CLSTN2: variants seen among roughly 807,000 people sequenced by gnomAD.
CLSTN2 encodes the protein calsyntenin-2.
CLSTN2 carries 48 observed loss-of-function variants against 101.2 expected under a neutral mutation model. The observed-to-expected ratio is 0.47, with a 90% CI of 0.38 to 0.60. The LOEUF is 0.60. Ranked by LOEUF, CLSTN2 falls within the 20% of genes least tolerant of loss-of-function variation. The pLI, the probability that CLSTN2 is intolerant of heterozygous loss-of-function variation, is 0.00. For synonymous variants in CLSTN2, 481 were observed against 463.6 expected (o/e 1.04, Z -0.48); for missense variants, 1,160 against 1,238.2 (o/e 0.94, Z 0.95).
chr3:140,564,268 C>T (rs1576379952), intron 16 of CLSTN2, 123 bp downstream of exon 16: 1 of 787,464 alleles, frequency 1.3e-6, no homozygotes, highest in Non-Finnish European at 2.1e-6. Flanking sequence ...CCATCTAGTC[C>T]AGCTCCACTG....
chr3:140,265,804 C>T (rs1401315475), intron 2 of CLSTN2, among the ~76,000 whole-genome samples: 1 of 152,160 alleles, frequency 6.6e-6, no homozygotes, highest in African/African-American at 2.4e-5. Flanking sequence ...CAAAGGGACA[C>T]TCAGGGCTGG....
chr3:140,443,485 A>G (rs546772208), intron 5 of CLSTN2, among the ~76,000 whole-genome samples: 57 of 152,192 alleles, frequency 3.7e-4, no homozygotes, highest in Non-Finnish European at 7.1e-4. Context: ...TAAAATCATC[A>G]TCTTTCTAAG....
intron 1 of CLSTN2, among the ~76,000 whole-genome samples, chr3:140,099,837 G>C (rs1372030417): frequency 2.0e-5 from 3 of 152,196 alleles, no homozygotes; most frequent in Admixed American, 1.3e-4. Flanking sequence ...TTGAATGCAG[G>C]AGTCAAAGAT....
intron 2 of CLSTN2, among the ~76,000 whole-genome samples, chr3:140,208,823 C>T (rs925725341): frequency 6.6e-6 from 1 of 152,108 alleles, no homozygotes; most frequent in African/African-American, 2.4e-5. Context: ...GTTCTCTGTA[C>T]TCAGGGGGTA....
At chr3:140,154,667 C>T (rs370364565) in intron 1 of CLSTN2, among the ~76,000 whole-genome samples, 20 of 94,044 alleles carry the variant, frequency 2.1e-4, no homozygotes, top group African/African-American at 6.0e-4. Flanking sequence ...TTTTTTGAGA[C>T]GGAGTCTTGC....
At chr3:140,329,232 C>T (rs947574362) in intron 2 of CLSTN2, among the ~76,000 whole-genome samples, 3 of 152,012 alleles carry the variant, frequency 2.0e-5, no homozygotes, top group African/African-American at 7.2e-5. Context: ...ACTGAAAATA[C>T]AAAAAAGTTA....
chr3:140,263,913 T>G (rs1269047463), intron 2 of CLSTN2, among the ~76,000 whole-genome samples: 1 of 152,200 alleles, frequency 6.6e-6, no homozygotes, highest in Admixed American at 6.5e-5. Context: ...AATATTTTCA[T>G]TCCCTATTGT....
At chr3:140,058,918 G>A (rs561334122) in intron 1 of CLSTN2, among the ~76,000 whole-genome samples, 2 of 152,206 alleles carry the variant, frequency 1.3e-5, no homozygotes, top group Non-Finnish European at 2.9e-5. Context: ...GGAGGGCCCT[G>A]ACCAGCAGGG....
intron 10 of CLSTN2, among the ~76,000 whole-genome samples, chr3:140,548,474 G>A (rs1354910806): frequency 6.6e-6 from 1 of 152,192 alleles, no homozygotes; most frequent in East Asian, 1.9e-4. Context: ...CAGAGATCCA[G>A]AACCTTGGAG....
At chr3:140,005,458 C>T (rs924959178) in intron 1 of CLSTN2, among the ~76,000 whole-genome samples, 11 of 152,266 alleles carry the variant, frequency 7.2e-5, no homozygotes, top group Non-Finnish European at 1.6e-4. Flanking sequence ...CCCATCAGGG[C>T]CCTAGATCTT....
At chr3:140,439,031 C>A (rs1336098070) in intron 5 of CLSTN2, among the ~76,000 whole-genome samples, 1 of 152,230 alleles carries the variant, frequency 6.6e-6, no homozygotes, top group Non-Finnish European at 1.5e-5. Flanking sequence ...GAGGGCTTGG[C>A]ACAGGCTCTA....
intron 1 of CLSTN2, among the ~76,000 whole-genome samples, chr3:140,027,855 CGTGGTTGAGAGCAGAAGCT>C (rs779408524): frequency 3.9e-5 from 6 of 152,156 alleles, no homozygotes; most frequent in Non-Finnish European, 8.8e-5. Flanking sequence ...CAGCTCACTC[CGTGGTTGAGAGCAGAAGCT>C]GTGGCATCAT....
intron 1 of CLSTN2, among the ~76,000 whole-genome samples, chr3:140,084,231 C>A (rs1237184870): frequency 6.6e-6 from 1 of 152,176 alleles, no homozygotes; most frequent in Non-Finnish European, 1.5e-5. Flanking sequence ...CTTGCAACAT[C>A]ACTACCCTGT....
intron 1 of CLSTN2, among the ~76,000 whole-genome samples, chr3:139,938,530 A>G (rs746346155): frequency 5.3e-5 from 8 of 152,310 alleles, no homozygotes; most frequent in Middle Eastern, 3.4e-3. Flanking sequence ...TCACCCTTAC[A>G]TATTTTGGCT....
At chr3:140,144,207 G>T (rs2009747381) in intron 1 of CLSTN2, among the ~76,000 whole-genome samples, 1 of 152,210 alleles carries the variant, frequency 6.6e-6, no homozygotes. Flanking sequence ...ATTCTGAGGG[G>T]TGGAGACAAA....
rs1290464973 is a variant in CLSTN2, at chr3:139,978,649, TG to T, written c.109+43167del. Among the ~76,000 whole-genome samples the T allele has an allele frequency of 0.012, 17 of 1,438 alleles. No homozygotes were observed. The South Asian group carries it at 0.13, about 11-fold the overall frequency. The allele number at this position is 1,438 out of a possible 152,430, so 0.9% of individuals were successfully genotyped here. ...GCTGGGAGGATGGGGGATGGGGGAT[TG>T]TGTGTGTGTGTGTGTGTGTGTGTGT... is the stretch of plus-strand genomic sequence containing the variant. On this transcript the variant is annotated intron_variant, in intron 1 of 16. Transcript: ENST00000458420.
At chr3:140,136,612 T>C (rs991561076) in intron 1 of CLSTN2, among the ~76,000 whole-genome samples, 1 of 152,240 alleles carries the variant, frequency 6.6e-6, no homozygotes, top group Non-Finnish European at 1.5e-5. Context: ...AGCTGGAATC[T>C]TGATGCTGTT....
At chr3:140,280,826 C>A (rs1308397194) in intron 2 of CLSTN2, among the ~76,000 whole-genome samples, 1 of 152,112 alleles carries the variant, frequency 6.6e-6, no homozygotes, top group Non-Finnish European at 1.5e-5. Flanking sequence ...GAAGAACTTG[C>A]CTGGGGTCAG....
chr3:140,319,411 C>T (rs1443483260), intron 2 of CLSTN2, among the ~76,000 whole-genome samples: 1 of 152,176 alleles, frequency 6.6e-6, no homozygotes, highest in Non-Finnish European at 1.5e-5. Context: ...CATGATAGAA[C>T]AGGAGAATCA....
Sources: allele counts gnomAD v4.1 joint callset (sites outside exome capture counted in the v4.1 genomes callset), GRCh38; gene constraint gnomAD v4.1.1; transcripts MANE v1.5; gene names NCBI Gene and HGNC (gene_info 2026-07-23, HGNC 2026-07-21).